The following MYO1D variants were observed in gnomAD, a reference collection of about 807,000 sequenced individuals.
MYO1D encodes the protein myosin ID.
Under a neutral mutation model 122.0 loss-of-function variants are expected in MYO1D, and 83 were observed. The observed-to-expected ratio is 0.68, with a 90% confidence interval of 0.57 to 0.82. The LOEUF is 0.82. Ranked by LOEUF, MYO1D falls within the 40% of genes least tolerant of loss-of-function variation. MYO1D has a pLI of 0.00. For synonymous variants in MYO1D, 464 were observed against 446.9 expected, an observed-to-expected ratio of 1.04 and a Z score of -0.48; for missense variants, 1,157 against 1,269.5, an observed-to-expected ratio of 0.91 and a Z score of 1.35.
chr17:32,765,030 TGC>T lies in MYO1D; in HGVS notation c.881_882del (p.Gly294GlufsTer13), dbSNP rs780323613. 6.2e-7 allele frequency: 1 copy of T among 1,614,102 alleles called. No individual in the cohort carries two copies. The highest frequency in any genetic ancestry group is 1.1e-5 in the South Asian group (1 of 91,084). On this transcript the variant is annotated frameshift_variant, in exon 8 of 22. Transcript: ENST00000318217. LOFTEE classifies it high-confidence loss of function. ...AATTCTGCTATGATAGATACTACTT[TGC>T]CATTCTCAATAAGAGGCGTGTCACC... ...VDGDTPLIEN[G>X]KVVSIIAELL... is the part of the protein sequence containing the mutation.
intron 3 of MYO1D, among the ~76,000 whole-genome samples, chr17:32,776,338 C>T (rs1385185559): frequency 6.6e-6 from 1 of 152,058 alleles, no homozygotes; most frequent in African/African-American, 2.4e-5. Flanking sequence ...ACATGCATTG[C>T]AGGATCCTTG....
chr17:32,523,120 T>C (rs1052225241), intron 21 of MYO1D, among the ~76,000 whole-genome samples: 1 of 152,214 alleles, frequency 6.6e-6, no homozygotes, highest in Non-Finnish European at 1.5e-5. Context: ...TGGCCCCCCA[T>C]GCCTCTTAGA....
At chr17:32,707,009 AT>A (rs879590646) in intron 16 of MYO1D, among the ~76,000 whole-genome samples, 14 of 150,454 alleles carry the variant, frequency 9.3e-5, no homozygotes, top group South Asian at 2.1e-4. Flanking sequence ...CAGATCCATA[AT>A]TTTTTTTTTA....
intron 12 of MYO1D, among the ~76,000 whole-genome samples, chr17:32,747,244 C>T (rs1242735664): frequency 6.6e-6 from 1 of 152,118 alleles, no homozygotes; most frequent in African/African-American, 2.4e-5. Context: ...AGATCATTTA[C>T]CTTTTTTTGT....
chr17:32,590,244 C>A (rs544038675), intron 21 of MYO1D, among the ~76,000 whole-genome samples: 8 of 152,300 alleles, frequency 5.3e-5, no homozygotes, highest in African/African-American at 1.4e-4. Context: ...TCCAAATGTA[C>A]CAGCTCCACC....
chr17:32,854,716 T>C (rs2091014346), intron 1 of MYO1D, among the ~76,000 whole-genome samples: 1 of 152,168 alleles, frequency 6.6e-6, no homozygotes, highest in South Asian at 2.1e-4. Flanking sequence ...TTGAAAGGCA[T>C]CTGAGACTCA....
chr17:32,833,572 G>C (rs2090792198), intron 1 of MYO1D, among the ~76,000 whole-genome samples: 1 of 152,084 alleles, frequency 6.6e-6, no homozygotes, highest in African/African-American at 2.4e-5. Context: ...TGGCACCCCA[G>C]CTCCAATGGC....
intron 1 of MYO1D, among the ~76,000 whole-genome samples, chr17:32,867,696 C>T (rs2151091448): frequency 6.8e-6 from 1 of 147,966 alleles, no homozygotes; most frequent in South Asian, 2.2e-4. Context: ...ACTCAGGAGG[C>T]TGAGGTAGGA....
chr17:32,587,033 C>G (rs1245206160), intron 21 of MYO1D, among the ~76,000 whole-genome samples: 1 of 152,172 alleles, frequency 6.6e-6, no homozygotes. Flanking sequence ...ACCATTTTCT[C>G]TAAACGGTGA....
intron 1 of MYO1D, among the ~76,000 whole-genome samples, chr17:32,840,694 A>AT (rs1252660482): frequency 6.6e-6 from 1 of 152,156 alleles, no homozygotes; most frequent in Admixed American, 6.5e-5. Context: ...AAACATACAC[A>AT]TTCTGAATTT....
At chr17:32,735,036 G>A (rs1046018241) in intron 14 of MYO1D, 6 of 150,270 alleles carry the variant, frequency 4.0e-5, no homozygotes, top group African/African-American at 7.4e-5. Flanking sequence ...AGCTGAGATC[G>A]CACCATGGCA....
chr17:32,560,916 C>CT (rs575644563), intron 21 of MYO1D, among the ~76,000 whole-genome samples: 6,683 of 132,268 alleles, frequency 0.051, 548 homozygotes, highest in African/African-American at 0.16. Flanking sequence ...CTATGCGTGG[C>CT]TTTTTTTTTT....
At chr17:32,857,841 C>T (rs2091040208) in intron 1 of MYO1D, among the ~76,000 whole-genome samples, 1 of 152,192 alleles carries the variant, frequency 6.6e-6, no homozygotes, top group African/African-American at 2.4e-5. Flanking sequence ...AATATTGCTA[C>T]TAATCATCAG....
intron 6 of MYO1D, among the ~76,000 whole-genome samples, chr17:32,769,608 G>T (rs1262809779): frequency 1.3e-5 from 2 of 151,956 alleles, no homozygotes; most frequent in Non-Finnish European, 2.9e-5. Flanking sequence ...TGCATGGAAA[G>T]ATTATAATAA....
intron 21 of MYO1D, among the ~76,000 whole-genome samples, chr17:32,589,999 C>G (rs1416465886): frequency 6.6e-6 from 1 of 152,190 alleles, no homozygotes; most frequent in East Asian, 1.9e-4. Flanking sequence ...TCCTCAAGTT[C>G]CCACTTCCCT....
chr17:32,857,626 C>A (rs1013202388), intron 1 of MYO1D, among the ~76,000 whole-genome samples: 1 of 151,744 alleles, frequency 6.6e-6, no homozygotes, highest in Non-Finnish European at 1.5e-5. Flanking sequence ...CCCTATCAGA[C>A]TGGTCTTCTC....
At chr17:32,703,706 A>C (rs1443753532) in intron 16 of MYO1D, among the ~76,000 whole-genome samples, 1 of 152,248 alleles carries the variant, frequency 6.6e-6, no homozygotes, top group Non-Finnish European at 1.5e-5. Flanking sequence ...CCGAGACAAC[A>C]AAATATTTTA....
intron 21 of MYO1D, among the ~76,000 whole-genome samples, chr17:32,561,071 C>A (rs567997192): frequency 5.9e-5 from 9 of 151,796 alleles, no homozygotes; most frequent in African/African-American, 1.7e-4. Context: ...GCCACCACGC[C>A]CGGCTAATTT....
In MYO1D at chr17:32,494,809, C is replaced by CGGGCTG. The variant is rs764794734; in HGVS notation, c.2965_2970dup (p.Gln989_Pro990dup). ...AAGCCCGAGCGATTCTTGGTGAAGT[C>CGGGCTG]GGGCTGGGGCTGGTTGAGCCGCGTC... is the stretch of plus-strand genomic sequence containing the variant. On this transcript the variant is annotated inframe_insertion, in exon 22 of 22. Transcript: ENST00000318217. 1.2e-6 allele frequency: 2 copies of CGGGCTG among 1,613,278 alleles called. No homozygotes were observed. Among genetic ancestry groups the CGGGCTG allele is most frequent in the Admixed American group, 3.3e-5 (2 of 59,926 alleles).
Sources: allele counts gnomAD v4.1 joint callset (sites outside exome capture counted in the v4.1 genomes callset), GRCh38; gene constraint gnomAD v4.1.1; transcripts MANE v1.5; gene names NCBI Gene and HGNC (gene_info 2026-07-23, HGNC 2026-07-21).